The following TRIM27 variants were observed in gnomAD, a reference collection of about 807,000 sequenced individuals.
The protein encoded by TRIM27 is zinc finger protein RFP.
A neutral mutation model predicts 57.6 loss-of-function variants in TRIM27; 12 were observed. The observed-to-expected ratio is 0.21, with a 90% confidence interval of 0.13 to 0.34. TRIM27 has a LOEUF of 0.34. TRIM27 is among the 10% of genes least tolerant of loss of function. The probability of loss-of-function intolerance (pLI) is 1.00; values close to 1 mark genes in which losing one functional copy is unlikely to be tolerated. For synonymous variants in TRIM27, 266 were observed against 259.0 expected (o/e 1.03, Z -0.26); for missense variants, 403 against 656.8 (o/e 0.61, Z 4.22).
rs368264821 is a variant in TRIM27, at chr6:28,904,548, T to C, written c.1064A>G (p.Asn355Ser). The C allele has an allele frequency of 1.1e-5, 18 of 1,612,736 alleles. No individual in the cohort carries two copies. Among genetic ancestry groups the C allele is most frequent in the Admixed American group, 6.7e-5 (4 of 60,022 alleles). ...AGAGCCCAAGACACAGGGAAACAGATTGAACCTCTCGGGGTTGTCAGGCAG... is the reference window on the plus strand; with the variant it reads ...AGAGCCCAAGACACAGGGAAACAGACTGAACCTCTCGGGGTTGTCAGGCAG... ...QDLPDNPERFNLFPCVLGSPC... is the reference protein window; with the variant it reads ...QDLPDNPERFSLFPCVLGSPC... Residue 355 changes from asparagine (N) to serine (S), a missense_variant, in exon 8 of 8, where the codon AAT becomes AGT. Physicochemically the swap from Asn to Ser is conservative, Grantham distance 46 (BLOSUM62 1). Coordinates refer to ENST00000377199, the MANE Select transcript of TRIM27 (RefSeq NM_006510.5). This position sits in a 1 kb window ranked among gnomAD's most constrained non-coding sequence, Gnocchi z 6.1.
chr6:28,908,434 T>G (rs925779743), intron 6 of TRIM27: 3 of 207,054 alleles, frequency 1.4e-5, no homozygotes, highest in Non-Finnish European at 2.9e-5. Flanking sequence ...CTGGCACCTG[T>G]GCCCACAAGC....
rs746497843 is a variant in TRIM27, at chr6:28,923,567, G to A, written c.66C>T (p.Tyr22=). 4 of 1,610,238 alleles carry A rather than the reference G, an allele frequency of 2.5e-6. No individual in the cohort carries two copies. The highest frequency in any genetic ancestry group is 2.7e-5 in the African/African-American group (2 of 74,868). ...QETTCPVCLQ[Y]FAEPMMLDCG... ...AGTCGAGCATCATGGGCTCTGCGAA[G>A]TACTGCAGGCACACGGGGCAGGTGG... The change falls in exon 1 of 8, where the codon TAC becomes TAT. Residue 22 remains tyrosine (Y), a synonymous_variant. Coordinates refer to ENST00000377199, the MANE Select transcript of TRIM27 (RefSeq NM_006510.5).
At chr6:28,917,098 T>A (rs904027408) in intron 3 of TRIM27, among the ~76,000 whole-genome samples, 16 of 128,648 alleles carry the variant, frequency 1.2e-4, no homozygotes, top group Admixed American at 1.2e-3. Context: ...GCCATGATCA[T>A]GTCACTGCAC....
chr6:28,921,730 G>GAATCTT (rs1456740021), intron 2 of TRIM27, among the ~76,000 whole-genome samples, 162 bp downstream of exon 2: 1 of 152,148 alleles, frequency 6.6e-6, no homozygotes, highest in African/African-American at 2.4e-5. Flanking sequence ...AAAAGTAAGG[G>GAATCTT]AATCTTAGTT....
chr6:28,922,099 C>T (rs1774087417), intron 1 of TRIM27, 112 bp from the exon 2 acceptor site: 2 of 813,334 alleles, frequency 2.5e-6, no homozygotes, highest in Non-Finnish European at 2.1e-6. Context: ...CTCCAGTTGG[C>T]GCTTGTCCTT....
intron 3 of TRIM27, 74 bp downstream of exon 3, chr6:28,919,938 G>A (rs986014338): frequency 3.5e-6 from 5 of 1,414,390 alleles, no homozygotes; most frequent in Non-Finnish European, 3.9e-6. Context: ...AGGGGGTCCT[G>A]GATACTACTT....
intron 3 of TRIM27, among the ~76,000 whole-genome samples, chr6:28,917,292 CAG>C (rs1323972779): frequency 1.3e-5 from 2 of 151,312 alleles, no homozygotes; most frequent in African/African-American, 4.9e-5. Context: ...AGTTACACGA[CAG>C]GGGCTGGGCA....
In TRIM27 at chr6:28,918,791, G is replaced by A. The variant is rs561403966; in HGVS notation, c.747+1221C>T. 5.3e-5 allele frequency among the ~76,000 whole-genome samples: 8 copies of A among 151,986 alleles called. No individual in the cohort carries two copies. In the East Asian group the frequency reaches 9.8e-4, roughly 19 times the overall value. On this transcript the variant is annotated intron_variant, in intron 3 of 7. Transcript: ENST00000377199. ...CTCAGGAGGTTGAGGCAGGAGAATCGCTTGAACCCAGGAGGCGGAGGTTGC... is the reference window on the plus strand; with the variant it reads ...CTCAGGAGGTTGAGGCAGGAGAATCACTTGAACCCAGGAGGCGGAGGTTGC...
intron 4 of TRIM27, 198 bp downstream of exon 4, chr6:28,911,498 A>G (rs1206004469): frequency 1.4e-5 from 8 of 569,996 alleles, no homozygotes; most frequent in African/African-American, 1.9e-5. Context: ...CTCCCACATG[A>G]ACCCCCTACT....
At chr6:28,914,152 T>C (rs974099976) in intron 3 of TRIM27, among the ~76,000 whole-genome samples, 1 of 150,178 alleles carries the variant, frequency 6.7e-6, no homozygotes, top group Non-Finnish European at 1.5e-5. Context: ...TTTTTTTTTT[T>C]TGAGACAGAG....
At chr6:28,908,274 T>C (rs1694316340) in intron 6 of TRIM27, 1 of 156,552 alleles carries the variant, frequency 6.4e-6, no homozygotes, top group Non-Finnish European at 1.4e-5. Context: ...CTATTACTGT[T>C]CTGTTACAGA....
chr6:28,908,696 G>C, intron 6 of TRIM27, 112 bp downstream of exon 6: 1 of 900,826 alleles, frequency 1.1e-6, no homozygotes. Context: ...TAAAATATCA[G>C]GGAAGGCTGG....
intron 3 of TRIM27, among the ~76,000 whole-genome samples, chr6:28,913,612 A>G (rs1773379922): frequency 6.6e-6 from 1 of 152,140 alleles, no homozygotes; most frequent in Admixed American, 6.6e-5. Flanking sequence ...AAGTGTATTA[A>G]GTTGAAAATT....
At chr6:28,918,115 C>T (rs574327211) in intron 3 of TRIM27, among the ~76,000 whole-genome samples, 38 of 152,232 alleles carry the variant, frequency 2.5e-4, no homozygotes, top group African/African-American at 8.4e-4. Flanking sequence ...CATGAGCCAC[C>T]GTGCCCGGCC....
Position 28,907,734 on chromosome 6 carries a change from T to G in TRIM27, c.920-472A>C, listed in dbSNP as rs978400460. 1.4e-4 allele frequency: 55 copies of G among 401,228 alleles called. 1 individual carries two copies. Among genetic ancestry groups the G allele is most frequent in the South Asian group, 1.1e-3 (52 of 49,088 alleles). The allele number at this position is 401,228 out of a possible 1,614,324, so 24.9% of individuals were successfully genotyped here. A position where few individuals can be genotyped will look rare whatever the true frequency, so the allele number is the denominator to read the frequency against. On this transcript the variant is annotated intron_variant, in intron 6 of 7. Coordinates refer to ENST00000377199, the MANE Select transcript of TRIM27 (RefSeq NM_006510.5). ...AGTTGAAACAGAATTTCTCACACATTATCCCACTAAGACTTTTAAGTGGCA... is the reference window on the plus strand; with the variant it reads ...AGTTGAAACAGAATTTCTCACACATGATCCCACTAAGACTTTTAAGTGGCA...
At chr6:28,910,774 C>T (rs892244281) in intron 4 of TRIM27, among the ~76,000 whole-genome samples, 3 of 152,178 alleles carry the variant, frequency 2.0e-5, no homozygotes, top group Non-Finnish European at 4.4e-5. Flanking sequence ...GCTAGACTGG[C>T]ATCATAAAGT....
At chr6:28,917,601 A>G (rs1246251913) in intron 3 of TRIM27, among the ~76,000 whole-genome samples, 8 of 151,672 alleles carry the variant, frequency 5.3e-5, no homozygotes, top group Admixed American at 6.6e-5. Context: ...AAAGAAAGTT[A>G]CACAACAGGG....
chr6:28,903,778 AGATTATC>A lies in TRIM27; in HGVS notation c.*285_*291del. On this transcript the variant is annotated 3_prime_UTR_variant, in exon 8 of 8. Transcript: ENST00000377199. ...ATCTTGAACGGCTCTCCAAATCCAAAGATTATCCATACTCTTTATCCCTCCAGCGATG... is the reference window on the plus strand; with the variant it reads ...ATCTTGAACGGCTCTCCAAATCCAAACATACTCTTTATCCCTCCAGCGATG... The A allele has an allele frequency of 7.2e-6, 3 of 414,872 alleles. No individual in the cohort carries two copies. Among genetic ancestry groups the A allele is most frequent in the Non-Finnish European group, 8.6e-6 (2 of 233,356 alleles). The allele number at this position is 414,872 out of a possible 1,614,324, so 25.7% of individuals were successfully genotyped here. A position where few individuals can be genotyped will look rare whatever the true frequency, so the allele number is the denominator to read the frequency against.
At chr6:28,916,511 C>T (rs1414539050) in intron 3 of TRIM27, among the ~76,000 whole-genome samples, 1 of 150,918 alleles carries the variant, frequency 6.6e-6, no homozygotes. Context: ...GAGATCGTGC[C>T]GTTACACTCC....
Sources: allele counts gnomAD v4.1 joint callset (sites outside exome capture counted in the v4.1 genomes callset), GRCh38; gene constraint gnomAD v4.1.1; non-coding constraint Gnocchi (gnomAD v3.1); transcripts MANE v1.5; gene names NCBI Gene and HGNC (gene_info 2026-07-23, HGNC 2026-07-21).